Variants in EBPL observed in about 807,000 individuals in gnomAD.
The protein encoded by EBPL is EBP like.
Under a neutral mutation model 19.0 loss-of-function variants are expected in EBPL, and 20 were observed. That is an observed-to-expected ratio of 1.05 (90% CI 0.74 to 1.53). The LOEUF (loss-of-function observed/expected upper bound fraction) is 1.53, where lower values mean the gene tolerates loss of function less well. Ranked by LOEUF, EBPL falls within the 40% of genes most tolerant of loss-of-function variation. The pLI, the probability that EBPL is intolerant of heterozygous loss-of-function variation, is 0.00. For missense variants in EBPL, 219 were observed against 261.1 expected (o/e 0.84, Z 1.11); for synonymous variants, 107 against 117.0 (o/e 0.91, Z 0.55).
At chr13:49,666,154 AGAG>A (rs1279523706) in intron 2 of EBPL, among the ~76,000 whole-genome samples, 2 of 152,044 alleles carry the variant, frequency 1.3e-5, no homozygotes, top group Non-Finnish European at 2.9e-5. Flanking sequence ...TGCAGTAACA[AGAG>A]GAGGGGGTGG....
intron 1 of EBPL, among the ~76,000 whole-genome samples, chr13:49,682,952 A>G (rs544064895): frequency 6.6e-6 from 1 of 152,124 alleles, no homozygotes; most frequent in East Asian, 1.9e-4. Flanking sequence ...AGGAACTGAT[A>G]CTGCATTCAT....
At chr13:49,678,580 G>T (rs1047013715) in intron 1 of EBPL, among the ~76,000 whole-genome samples, 1 of 152,158 alleles carries the variant, frequency 6.6e-6, no homozygotes. Context: ...AACTGGGGCC[G>T]GCAGCACCCA....
intron 1 of EBPL, among the ~76,000 whole-genome samples, chr13:49,689,437 C>T (rs1335577016): frequency 6.6e-6 from 1 of 152,156 alleles, no homozygotes; most frequent in Non-Finnish European, 1.5e-5. Flanking sequence ...ACAACCTCCA[C>T]CTTCCAGGTT....
intron 1 of EBPL, among the ~76,000 whole-genome samples, chr13:49,672,089 C>T (rs1953823605): frequency 1.3e-5 from 2 of 152,180 alleles, no homozygotes; most frequent in Admixed American, 1.3e-4. Context: ...GCTATCTGCT[C>T]GCTATGGACC....
Position 49,663,077 on chromosome 13 carries a change from T to TATGG in EBPL, c.356_359dup (p.Val121HisfsTer54). The TATGG allele has an allele frequency of 6.2e-7, 1 of 1,614,164 alleles. No individual in the cohort carries two copies. Among genetic ancestry groups the TATGG allele is most frequent in the East Asian group, 2.2e-5 (1 of 44,886 alleles). On this transcript the variant is annotated frameshift_variant, in exon 3 of 4. Coordinates refer to ENST00000242827, the MANE Select transcript of EBPL (RefSeq NM_032565.5). LOFTEE classifies it high-confidence loss of function. ...CCTACCGGTAATATTTTTCTTTGAC[T>TATGG]ATGGCATAAATGAGGAACAATGCCA...
intron 1 of EBPL, among the ~76,000 whole-genome samples, chr13:49,683,847 G>C (rs1433600327): frequency 6.6e-6 from 1 of 151,798 alleles, no homozygotes; most frequent in Non-Finnish European, 1.5e-5. Context: ...CGGCCTAGGA[G>C]AAAGAAAAAT....
intron 1 of EBPL, among the ~76,000 whole-genome samples, chr13:49,689,417 A>G (rs1374411333): frequency 6.6e-6 from 1 of 151,990 alleles, no homozygotes; most frequent in Non-Finnish European, 1.5e-5. Flanking sequence ...TGGCTTGATC[A>G]TGGCTCACTA....
intron 3 of EBPL, among the ~76,000 whole-genome samples, chr13:49,662,312 G>A (rs1039574313): frequency 2.0e-5 from 3 of 152,046 alleles, no homozygotes; most frequent in African/African-American, 7.2e-5. Context: ...CACTCCGCCT[G>A]CCCCATATCC....
At position 49,688,174 on chromosome 13, in the gene EBPL, A is replaced by G. The variant is rs558136034; in HGVS notation, c.171+3080T>C. ...TGCCCACAGCGACCTCAGAATGGTG[A>G]CCCCACCATTTCCTTCTTCTAGTAT... On this transcript the variant is annotated intron_variant, in intron 1 of 3. Transcript: ENST00000242827. 6.6e-5 allele frequency among the ~76,000 whole-genome samples: 10 copies of G among 151,530 alleles called. No homozygotes were observed. The East Asian group carries it at 1.7e-3, about 26-fold the overall frequency.
At chr13:49,678,299 G>A (rs1953899981) in intron 1 of EBPL, among the ~76,000 whole-genome samples, 1 of 152,208 alleles carries the variant, frequency 6.6e-6, no homozygotes, top group Admixed American at 6.5e-5. Context: ...AGGGCCGTGG[G>A]CAGAGCTACC....
intron 2 of EBPL, chr13:49,668,244 G>T (rs571160581): frequency 2.7e-4 from 46 of 168,874 alleles, no homozygotes; most frequent in African/African-American, 1.0e-3. Flanking sequence ...CCCCCACACA[G>T]ATCCTAGCTG....
chr13:49,687,346 T>C (rs1337038144), intron 1 of EBPL, among the ~76,000 whole-genome samples: 2 of 152,148 alleles, frequency 1.3e-5, no homozygotes, highest in Admixed American at 1.3e-4. Context: ...CTCTTTTTTT[T>C]AAATGACTCC....
chr13:49,684,827 A>G (rs1953980585), intron 1 of EBPL, among the ~76,000 whole-genome samples: 1 of 152,372 alleles, frequency 6.6e-6, no homozygotes, highest in Non-Finnish European at 1.5e-5. Flanking sequence ...TATTATAAAG[A>G]TATCATTTAA....
chr13:49,674,814 C>T (rs1459355988), intron 1 of EBPL, among the ~76,000 whole-genome samples: 2 of 152,086 alleles, frequency 1.3e-5, no homozygotes, highest in African/African-American at 2.4e-5. Flanking sequence ...GTGTGAGGCC[C>T]GTGGGTCCAG....
intron 3 of EBPL, among the ~76,000 whole-genome samples, chr13:49,662,804 T>G (rs759400690): frequency 6.6e-6 from 1 of 152,138 alleles, no homozygotes; most frequent in Non-Finnish European, 1.5e-5. Context: ...AATTTTTAAA[T>G]TTTTTATTCC....
At chr13:49,662,526 A>G (rs1448788928) in intron 3 of EBPL, among the ~76,000 whole-genome samples, 1 of 152,158 alleles carries the variant, frequency 6.6e-6, no homozygotes, top group African/African-American at 2.4e-5. Context: ...GCCTCTACAG[A>G]GTCTAGGTTG....
At chr13:49,662,118 C>A (rs1031747466) in intron 3 of EBPL, among the ~76,000 whole-genome samples, 1 of 152,152 alleles carries the variant, frequency 6.6e-6, no homozygotes, top group African/African-American at 2.4e-5. Flanking sequence ...CTCAGCCTCC[C>A]GATAGCTGGG....
chr13:49,689,671 A>G (rs972857902), intron 1 of EBPL, among the ~76,000 whole-genome samples: 2 of 152,208 alleles, frequency 1.3e-5, no homozygotes, highest in African/African-American at 4.8e-5. Context: ...ATATATATAC[A>G]TTCTGATATG....
Position 49,679,296 on chromosome 13 carries a change from T to A in EBPL, c.172-9450A>T, listed in dbSNP as rs1953916834. ...ACATGGAAGGTTATCAGCTCCAAAG[T>A]CTTTAACCACAACGTATGATAGAGA... On this transcript the variant is annotated intron_variant, in intron 1 of 3. Transcript: ENST00000242827. Among the ~76,000 whole-genome samples the A allele has an allele frequency of 2.6e-5, 4 of 152,180 alleles. No individual in the cohort carries two copies. In the South Asian group the frequency reaches 8.3e-4, roughly 31 times the overall value.
Sources: allele counts gnomAD v4.1 joint callset (sites outside exome capture counted in the v4.1 genomes callset), GRCh38; gene constraint gnomAD v4.1.1; transcripts MANE v1.5; gene names NCBI Gene and HGNC (gene_info 2026-07-23, HGNC 2026-07-21).